Variants in ADAMTS12 observed in about 807,000 individuals in gnomAD.
ADAMTS12 encodes ADAM metallopeptidase with thrombospondin type 1 motif 12.
ADAMTS12 carries 118 observed loss-of-function variants against 167.8 expected under a neutral mutation model. The observed-to-expected ratio is 0.70, with a 90% confidence interval of 0.61 to 0.82. The LOEUF (loss-of-function observed/expected upper bound fraction) is 0.82, where lower values mean the gene tolerates loss of function less well. Ranked by LOEUF, ADAMTS12 falls within the 40% of genes least tolerant of loss-of-function variation. The pLI, the probability that ADAMTS12 is intolerant of heterozygous loss-of-function variation, is 0.00. For missense variants in ADAMTS12, 1,916 were observed against 1,998.8 expected (o/e 0.96, Z 0.79); for synonymous variants, 704 against 716.9 (o/e 0.98, Z 0.29).
At chr5:33,619,842 G>T (rs998170131) in intron 14 of ADAMTS12, among the ~76,000 whole-genome samples, 1 of 152,076 alleles carries the variant, frequency 6.6e-6, no homozygotes, top group Non-Finnish European at 1.5e-5. Context: ...CTACCAGCGC[G>T]TGCCACCACA....
At chr5:33,767,416 A>G (rs2112419727) in intron 2 of ADAMTS12, among the ~76,000 whole-genome samples, 1 of 152,228 alleles carries the variant, frequency 6.6e-6, no homozygotes, top group Admixed American at 6.5e-5. Context: ...ATTACAATTA[A>G]TTTTTATTTT....
chr5:33,814,558 A>G (rs1162934893), intron 2 of ADAMTS12, among the ~76,000 whole-genome samples: 1 of 152,228 alleles, frequency 6.6e-6, no homozygotes, highest in East Asian at 1.9e-4. Flanking sequence ...TTTGGGAATC[A>G]TATGTTTATT....
chr5:33,596,406 G>A (rs533590941), intron 16 of ADAMTS12, among the ~76,000 whole-genome samples: 5 of 152,302 alleles, frequency 3.3e-5, no homozygotes, highest in African/African-American at 7.2e-5. Flanking sequence ...AGTAGGTTGG[G>A]CGCAGTGGCT....
At chr5:33,620,495 C>T (rs141120029) in intron 14 of ADAMTS12, among the ~76,000 whole-genome samples, 1 of 152,316 alleles carries the variant, frequency 6.6e-6, no homozygotes, top group East Asian at 1.9e-4. Context: ...GAGCTCACCA[C>T]AATAGCAAGA....
At chr5:33,575,133 T>C (rs1013445294) in intron 19 of ADAMTS12, among the ~76,000 whole-genome samples, 8 of 152,162 alleles carry the variant, frequency 5.3e-5, no homozygotes, top group African/African-American at 1.9e-4. Flanking sequence ...TTCCTCTATA[T>C]TCTAATTCTT....
chr5:33,658,175 G>T lies in ADAMTS12; in HGVS notation c.1190+9C>A. 6.2e-7 allele frequency: 1 copy of T among 1,612,848 alleles called. No homozygotes were observed. Among genetic ancestry groups the T allele is most frequent in the Non-Finnish European group, 8.5e-7 (1 of 1,179,200 alleles). ...TGGTGAGCAAACCTCCCTATCATTG[G>T]CCCTTTACCTGTGTCCTAGCTCATG... On this transcript the variant is annotated intron_variant, in intron 7 of 23. Transcript: ENST00000504830.
At chr5:33,702,417 C>A (rs1743036456) in intron 3 of ADAMTS12, among the ~76,000 whole-genome samples, 1 of 152,168 alleles carries the variant, frequency 6.6e-6, no homozygotes, top group Non-Finnish European at 1.5e-5. Context: ...AGTTCTCTTA[C>A]TGAATACTTT....
chr5:33,829,708 C>T (rs1272954598), intron 2 of ADAMTS12, among the ~76,000 whole-genome samples: 8 of 152,174 alleles, frequency 5.3e-5, no homozygotes, highest in Non-Finnish European at 1.0e-4. Flanking sequence ...TCCCTGGAAA[C>T]AATTCCCCTA....
At chr5:33,532,704 G>A (rs572559948) in intron 23 of ADAMTS12, among the ~76,000 whole-genome samples, 1 of 152,044 alleles carries the variant, frequency 6.6e-6, no homozygotes, top group Non-Finnish European at 1.5e-5. Context: ...GGAAATAATA[G>A]TTCCAATTTA....
At chr5:33,594,378 A>T (rs996333083) in intron 17 of ADAMTS12, among the ~76,000 whole-genome samples, 2 of 152,196 alleles carry the variant, frequency 1.3e-5, no homozygotes, top group Admixed American at 6.5e-5. Flanking sequence ...TGAATGTTTC[A>T]TGCAGTTCTA....
At chr5:33,623,992 G>A (rs1014047158) in intron 14 of ADAMTS12, among the ~76,000 whole-genome samples, 1 of 152,134 alleles carries the variant, frequency 6.6e-6, no homozygotes, top group Non-Finnish European at 1.5e-5. Context: ...CAACCACAGG[G>A]CCATTTCAGA....
At chr5:33,729,776 C>A (rs759222528) in intron 3 of ADAMTS12, among the ~76,000 whole-genome samples, 2 of 152,054 alleles carry the variant, frequency 1.3e-5, no homozygotes, top group Non-Finnish European at 2.9e-5. Context: ...GGCAGAGTGT[C>A]CCAAAGTTTC....
intron 2 of ADAMTS12, among the ~76,000 whole-genome samples, chr5:33,875,301 G>A (rs533936803): frequency 1.3e-5 from 2 of 152,220 alleles, no homozygotes; most frequent in African/African-American, 4.8e-5. Context: ...AACACCAAGA[G>A]TGAACTCTAA....
chr5:33,869,752 T>C lies in ADAMTS12; in HGVS notation c.489+11367A>G, dbSNP rs956554674. 1.8e-4 allele frequency among the ~76,000 whole-genome samples: 28 copies of C among 152,312 alleles called. 1 individual carries two copies. Among genetic ancestry groups the C allele is most frequent in the African/African-American group, 4.8e-4 (20 of 41,566 alleles). On this transcript the variant is annotated intron_variant, in intron 2 of 23. Transcript: ENST00000504830. ...AACTAGAATTGCTAATGAAGATCCATGTCCCACTGGGCACACATTGTCACT... is the reference window on the plus strand; with the variant it reads ...AACTAGAATTGCTAATGAAGATCCACGTCCCACTGGGCACACATTGTCACT...
chr5:33,715,480 T>C (rs748710458), intron 3 of ADAMTS12, among the ~76,000 whole-genome samples: 1 of 152,108 alleles, frequency 6.6e-6, no homozygotes, highest in Non-Finnish European at 1.5e-5. Context: ...TAAGCATATA[T>C]GAGTGATTAA....
intron 17 of ADAMTS12, among the ~76,000 whole-genome samples, chr5:33,592,378 T>C (rs1171828098): frequency 6.6e-6 from 1 of 152,182 alleles, no homozygotes; most frequent in Admixed American, 6.5e-5. Flanking sequence ...GAAACCTACA[T>C]GTAGCTGCCA....
At position 33,881,195 on chromosome 5, in the gene ADAMTS12, A is replaced by AG; in HGVS notation, c.412dup (p.Leu138ProfsTer40). Reference sequence around the variant, plus strand: ...TAGAACCGTGCCACTGAGATGGCAGAGGGGGGCAGAGGAAGCCATCATCTT... The same window carrying AG: ...TAGAACCGTGCCACTGAGATGGCAGAGGGGGGGCAGAGGAAGCCATCATCTT... On this transcript the variant is annotated frameshift_variant, in exon 2 of 24. Transcript: ENST00000504830. LOFTEE classifies it high-confidence loss of function. 9 of 1,614,084 alleles carry AG rather than the reference A, an allele frequency of 5.6e-6. No homozygotes were observed. The highest frequency in any genetic ancestry group is 1.3e-5 in the African/African-American group (1 of 75,026).
intron 3 of ADAMTS12, among the ~76,000 whole-genome samples, chr5:33,726,271 C>T (rs1743977853): frequency 6.6e-6 from 1 of 152,186 alleles, no homozygotes; most frequent in South Asian, 2.1e-4. Context: ...ACTGATGTCA[C>T]TCACATTGTA....
chr5:33,726,303 G>A (rs1399000323), intron 3 of ADAMTS12, among the ~76,000 whole-genome samples: 1 of 152,170 alleles, frequency 6.6e-6, no homozygotes, highest in African/African-American at 2.4e-5. Flanking sequence ...GGAGGCCTGG[G>A]GCAGAGGGCT....
Sources: allele counts gnomAD v4.1 joint callset (sites outside exome capture counted in the v4.1 genomes callset), GRCh38; gene constraint gnomAD v4.1.1; transcripts MANE v1.5; gene names NCBI Gene and HGNC (gene_info 2026-07-23, HGNC 2026-07-21).